The following SUCO variants were observed in gnomAD, a reference collection of about 807,000 sequenced individuals.
SUCO encodes the protein SUN domain containing ossification factor.
In SUCO, 57 loss-of-function variants were observed where a neutral mutation model predicts 148.1. The ratio of observed to expected loss-of-function variants is 0.38; its 90% confidence interval spans 0.31 to 0.48. The LOEUF is 0.48. Among genes scored for constraint, SUCO ranks in the 20% least tolerant of loss-of-function variants. The probability of loss-of-function intolerance (pLI) is 0.96; values close to 1 mark genes in which losing one functional copy is unlikely to be tolerated. For missense variants in SUCO, 1,331 were observed against 1,468.2 expected, an observed-to-expected ratio of 0.91 and a Z score of 1.53; for synonymous variants, 470 against 502.7, an observed-to-expected ratio of 0.93 and a Z score of 0.87.
At position 172,610,237 on chromosome 1, in the gene SUCO, C is replaced by G. The variant is rs1253063170; in HGVS notation, c.3743C>G (p.Thr1248Arg). Residue 1248 changes from threonine to arginine, a missense_variant, in exon 24 of 24, where the codon ACA (threonine) becomes AGA (arginine). Physicochemically the swap from Thr to Arg is moderately conservative, Grantham distance 71. Transcript: ENST00000263688. ...KEITVGTFGV[T>R]AVSGHI ...ATCACCGTGGGAACATTTGGTGTTA[C>G]AGCAGTCTCGGGACATATCTAAAAT... is the stretch of plus-strand genomic sequence containing the variant. The G allele has an allele frequency of 1.9e-6, 3 of 1,598,372 alleles. No individual in the cohort carries two copies. The highest frequency in any genetic ancestry group is 2.6e-6 in the Non-Finnish European group (3 of 1,174,484).
At chr1:172,537,773 A>G (rs1652131517) in intron 1 of SUCO, among the ~76,000 whole-genome samples, 1 of 152,242 alleles carries the variant, frequency 6.6e-6, no homozygotes, top group Non-Finnish European at 1.5e-5. Context: ...AACAAGTCTC[A>G]TACATTTGGC....
chr1:172,532,896 G>C, upstream of SUCO: 1 of 1,448,584 alleles, frequency 6.9e-7, no homozygotes, highest in South Asian at 1.4e-5. Flanking sequence ...CGGGCGGAGC[G>C]GCGAGAGCAT....
intron 6 of SUCO, among the ~76,000 whole-genome samples, chr1:172,565,546 CCAA>C (rs1224453655): frequency 6.6e-6 from 1 of 152,118 alleles, no homozygotes; most frequent in Non-Finnish European, 1.5e-5. Context: ...TGCATTTCAG[CCAA>C]CGAGGGTCCC....
In SUCO at chr1:172,577,761, T is replaced by C. The variant is rs943932408; in HGVS notation, c.1285-3T>C. 3.7e-6 allele frequency: 6 copies of C among 1,611,514 alleles called. No individual in the cohort carries two copies. Among genetic ancestry groups the C allele is most frequent in the Non-Finnish European group, 5.1e-6 (6 of 1,178,446 alleles). On this transcript the variant is annotated splice_polypyrimidine_tract_variant and splice_region_variant and intron_variant, in intron 12 of 23. Transcript: ENST00000263688. ...TCCCATTTTATGTGCTTTTATTCTT[T>C]AGGTTGAGTTGCTATCACATTTTGG...
chr1:172,561,005 C>T (rs1000492298), intron 6 of SUCO, among the ~76,000 whole-genome samples: 1 of 152,230 alleles, frequency 6.6e-6, no homozygotes, highest in African/African-American at 2.4e-5. Context: ...AAGAGGGTGG[C>T]ACCGCCACCT....
rs1438125495 is a variant in SUCO at position 172,578,284 on chromosome 1, A to G, written c.1341-14A>G. On this transcript the variant is annotated splice_polypyrimidine_tract_variant and intron_variant, in intron 13 of 23. Transcript: ENST00000263688. Reference sequence around the variant, plus strand: ...TTTTGTTTTGGAAGTCTTTAATGAAATTGTTGTTGATAGGGTATTTGGCAC... The same window carrying G: ...TTTTGTTTTGGAAGTCTTTAATGAAGTTGTTGTTGATAGGGTATTTGGCAC... 5 of 1,575,850 alleles carry G rather than the reference A, an allele frequency of 3.2e-6. No homozygotes were observed. Among genetic ancestry groups the G allele is most frequent in the Non-Finnish European group, 3.5e-6 (4 of 1,145,996 alleles).
At chr1:172,570,872 A>G (rs1654911472) in intron 9 of SUCO, 142 bp downstream of exon 9, 2 of 551,256 alleles carry the variant, frequency 3.6e-6, no homozygotes, top group Non-Finnish European at 6.3e-6. Context: ...AAAACTGAGG[A>G]CAAAATGCCT....
At chr1:172,559,851 A>G (rs1179902881) in intron 6 of SUCO, among the ~76,000 whole-genome samples, 1 of 151,982 alleles carries the variant, frequency 6.6e-6, no homozygotes, top group African/African-American at 2.4e-5. Context: ...GCTTACAGAA[A>G]TTTGCTTCCG....
chr1:172,574,035 G>T, intron 10 of SUCO, 37 bp downstream of exon 10: 1 of 1,228,070 alleles, frequency 8.1e-7, no homozygotes, highest in Non-Finnish European at 1.2e-6. Flanking sequence ...GTCTATGTTG[G>T]ATCTCTGAAA....
At chr1:172,559,354 T>C (rs1653972301) in intron 6 of SUCO, among the ~76,000 whole-genome samples, 1 of 152,248 alleles carries the variant, frequency 6.6e-6, no homozygotes, top group Non-Finnish European at 1.5e-5. Flanking sequence ...TGAGCTTTAC[T>C]TTGTTAGTAT....
chr1:172,533,573 G>A (rs1379043806), intron 1 of SUCO, 76 bp downstream of exon 1: 7 of 1,442,456 alleles, frequency 4.9e-6, no homozygotes, highest in South Asian at 3.0e-5. Context: ...ACACCCCCTG[G>A]TCATTTTGGC....
intron 4 of SUCO, chr1:172,556,454 G>T: frequency 4.5e-6 from 1 of 219,860 alleles, no homozygotes; most frequent in Non-Finnish European, 7.7e-6. Flanking sequence ...TAAATATTCA[G>T]AGTGTTTAGG....
chr1:172,576,711 T>C (rs951403371), intron 11 of SUCO: 5 of 170,988 alleles, frequency 2.9e-5, no homozygotes, highest in African/African-American at 4.8e-5. Flanking sequence ...TATAAAACTT[T>C]CCACCTTGTT....
At chr1:172,579,164 G>C (rs1174554010) in intron 14 of SUCO, 38 bp from the exon 15 acceptor site, 3 of 1,172,618 alleles carry the variant, frequency 2.6e-6, no homozygotes, top group Non-Finnish European at 3.8e-6. Flanking sequence ...ATTGGAGCTA[G>C]ATCTCAGCAT....
In SUCO at chr1:172,570,331, C is replaced by T. The variant is rs1044571060; in HGVS notation, c.981+160C>T. On this transcript the variant is annotated intron_variant, in intron 8 of 23. Coordinates refer to ENST00000263688, the MANE Select transcript of SUCO (RefSeq NM_014283.5). ...TTCAAAACATTATCTTGTATGAATT[C>T]TTACTTATATTGGCTGATGTATTTT... The T allele has an allele frequency of 2.0e-5, 10 of 501,302 alleles. No individual in the cohort carries two copies. The African/African-American group carries it at 2.0e-4, about 10-fold the overall frequency. The allele number at this position is 501,302 out of a possible 1,614,324, so 31.1% of individuals were successfully genotyped here.
chr1:172,553,271 G>A lies in SUCO; in HGVS notation c.189G>A (p.Glu63=), dbSNP rs1423007115. 2 of 1,586,206 alleles carry A rather than the reference G, an allele frequency of 1.3e-6. No homozygotes were observed. Among genetic ancestry groups the A allele is most frequent in the East Asian group, 2.3e-5 (1 of 44,048 alleles). ...TTGTTGTTATATAGGATGAAAGAGA[G>A]GGACCTATCAATGCCGAATCATTGG... is the stretch of plus-strand genomic sequence containing the variant. The part of the protein sequence containing the change: ...DVQFQKKDER[E]GPINAESLGK... The change falls in exon 3 of 24, where the codon GAG becomes GAA. Residue 63 remains glutamate, a synonymous_variant. Coordinates refer to ENST00000263688, the MANE Select transcript of SUCO (RefSeq NM_014283.5).
Position 172,585,916 on chromosome 1 carries a change from A to C in SUCO, c.1626A>C (p.Ser542=), listed in dbSNP as rs1361225762. The C allele has an allele frequency of 6.2e-7, 1 of 1,611,162 alleles. No homozygotes were observed. The highest frequency in any genetic ancestry group is 2.2e-5 in the East Asian group (1 of 44,762). Reference sequence around the variant, plus strand: ...CAGCTGCACCTAAAATGCCTGAATCAACTCCTGTTTCAACTCCTGTTCCAT... The same window carrying C: ...CAGCTGCACCTAAAATGCCTGAATCCACTCCTGTTTCAACTCCTGTTCCAT... The part of the protein sequence containing the change: ...TATAAPKMPE[S]TPVSTPVPSP... Residue 542 remains serine, a synonymous_variant, in exon 17 of 24, where the codon TCA becomes TCC. Transcript: ENST00000263688.
chr1:172,576,536 A>G (rs1430452514), intron 11 of SUCO, among the ~76,000 whole-genome samples: 1 of 151,736 alleles, frequency 6.6e-6, no homozygotes, highest in African/African-American at 2.4e-5. Flanking sequence ...AAATTAAGGA[A>G]TGTTTTCAAT....
In SUCO at chr1:172,573,964, A is replaced by G; in HGVS notation, c.1123A>G (p.Thr375Ala). Residue 375 changes from threonine to alanine, a missense_variant, in exon 10 of 24, where the codon ACT becomes GCT. Around this residue, in one of 3 missense-constraint regions of SUCO, gnomAD observed 992 missense variants for 1,093.5 expected, o/e 0.91. Transcript: ENST00000263688. ...TGCAAATTATGAATTATTTTCTTCTACTCCTAAAGATTTTCTGGTTTCTAT... is the reference window on the plus strand; with the variant it reads ...TGCAAATTATGAATTATTTTCTTCTGCTCCTAAAGATTTTCTGGTTTCTAT... ...DIANYELFSS[T>A]PKDFLVSISD... The G allele has an allele frequency of 1.9e-6, 3 of 1,596,178 alleles. No individual in the cohort carries two copies. Among genetic ancestry groups the G allele is most frequent in the Non-Finnish European group, 2.6e-6 (3 of 1,166,382 alleles).
Sources: gnomAD v4.1 joint callset for allele counts (sites outside exome capture counted in the v4.1 genomes callset) on GRCh38, gnomAD v4.1.1 for gene constraint, gnomAD v4.1.1 regional missense constraint, MANE v1.5 for transcripts, NCBI Gene and HGNC (gene_info 2026-07-23, HGNC 2026-07-21) for gene names.